The following STK26 variants were observed in gnomAD, a reference collection of about 807,000 sequenced individuals.
STK26 encodes serine/threonine-protein kinase 26.
Under a neutral mutation model 34.7 loss-of-function variants are expected in STK26, and 14 were observed. The observed-to-expected ratio is 0.40, with a 90% confidence interval of 0.27 to 0.63. The LOEUF (loss-of-function observed/expected upper bound fraction) is 0.63, where lower values mean the gene tolerates loss of function less well. Among genes scored for constraint, STK26 ranks in the 30% least tolerant of loss-of-function variants. STK26 has a pLI of 0.38. For missense variants in STK26, 226 were observed against 309.1 expected, an observed-to-expected ratio of 0.73 and a Z score of 2.02; for synonymous variants, 100 against 109.8, an observed-to-expected ratio of 0.91 and a Z score of 0.56.
intron 2 of STK26, among the ~76,000 whole-genome samples, chrX:132,026,376 C>T (rs1053457245): frequency 3.6e-5 from 4 of 111,819 alleles, no homozygotes; most frequent in South Asian, 3.7e-4. Flanking sequence ...TTTTTTGCCA[C>T]GTTACACCAA....
In STK26 at chrX:132,040,313, AGT is replaced by A. The variant is rs780290811; in HGVS notation, c.43-14317_43-14316del. 1.7e-3 allele frequency among the ~76,000 whole-genome samples: 191 copies of A among 112,521 alleles called. 1 individual carries two copies. Among genetic ancestry groups the A allele is most frequent in the African/African-American group, 6.1e-3 (188 of 31,013 alleles). On this transcript the variant is annotated intron_variant, in intron 2 of 11. Transcript: ENST00000394334. ...GTACTTTCACTGAGGTTGTGGATAT[AGT>A]ATGACAATAGAAAAGATTTTCACTT...
At position 132,071,054 on chromosome X, in the gene STK26, T is replaced by A. The variant is rs112272201; in HGVS notation, c.784-15T>A. On this transcript the variant is annotated splice_polypyrimidine_tract_variant and intron_variant, in intron 7 of 11. Coordinates refer to ENST00000394334, the MANE Select transcript of STK26 (RefSeq NM_016542.4). ...CAACAATTGTCATATGCAGCCTTGATCTTTTTATCCTTAGCGTCCTACAGC... is the reference window on the plus strand; with the variant it reads ...CAACAATTGTCATATGCAGCCTTGAACTTTTTATCCTTAGCGTCCTACAGC... 2.9e-5 allele frequency: 35 copies of A among 1,194,905 alleles called. No individual in the cohort carries two copies. In the African/African-American group the frequency reaches 3.4e-4, roughly 11 times the overall value.
chrX:132,025,004 C>A (rs760220453), intron 2 of STK26, among the ~76,000 whole-genome samples: 2 of 110,859 alleles, frequency 1.8e-5, no homozygotes, highest in East Asian at 5.7e-4. Flanking sequence ...TCAAGCCTTG[C>A]AAAATGCCTT....
chrX:132,054,557 T>G (rs779687326), intron 2 of STK26, 74 bp from the exon 3 acceptor site: 1 of 930,733 alleles, frequency 1.1e-6, no homozygotes, highest in Admixed American at 2.9e-5. Flanking sequence ...TTATGTGATT[T>G]ATTTTCCTTC....
intron 2 of STK26, among the ~76,000 whole-genome samples, 176 bp downstream of exon 2, chrX:132,023,835 A>G (rs1935039467): frequency 8.9e-6 from 1 of 112,126 alleles, no homozygotes; most frequent in Non-Finnish European, 1.9e-5. Flanking sequence ...TGTGTAGGCT[A>G]GGTAGTGCTC....
Position 132,054,638 on chromosome X carries a change from T to C in STK26, c.50T>C (p.Ile17Thr), listed in dbSNP as rs1179091753. 6.6e-6 allele frequency: 8 copies of C among 1,208,054 alleles called. No individual in the cohort carries two copies. Among genetic ancestry groups the C allele is most frequent in the Non-Finnish European group, 9.0e-6 (8 of 892,906 alleles). ...GTTCCCCACTCCCTTCAGAATAACA[T>C]AGCTGATCCAGAAGAACTGTTCACA... ...AVQVPGMQNN[I>T]ADPEELFTKL... The change falls in exon 3 of 12, where the codon ATA (isoleucine) becomes ACA (threonine). Residue 17 changes from isoleucine to threonine, a missense_variant. Physicochemically the swap from Ile to Thr is moderately conservative, Grantham distance 89 (BLOSUM62 -1). Transcript: ENST00000394334.
chrX:132,038,327 T>G (rs1222203495), intron 2 of STK26, among the ~76,000 whole-genome samples: 1 of 111,765 alleles, frequency 8.9e-6, no homozygotes, highest in Non-Finnish European at 1.9e-5. Flanking sequence ...GTCATTTGTT[T>G]TTTCTTGTTG....
chrX:132,034,161 C>G lies in STK26; in HGVS notation c.42+10502C>G, dbSNP rs181782351. On this transcript the variant is annotated intron_variant, in intron 2 of 11. Transcript: ENST00000394334. ...AAAATAAAAGAGAGTAGGAGGCAAGCAGGAGAAAAGGCCCAAGGGGACACA... is the reference window on the plus strand; with the variant it reads ...AAAATAAAAGAGAGTAGGAGGCAAGGAGGAGAAAAGGCCCAAGGGGACACA... 6.8e-5 allele frequency among the ~76,000 whole-genome samples: 7 copies of G among 102,444 alleles called. No individual in the cohort carries two copies. The Admixed American group carries it at 7.6e-4, about 11-fold the overall frequency. 89.0% of individuals were successfully genotyped at this position (102,444 alleles called of 115,157 possible). A position where few individuals can be genotyped will look rare whatever the true frequency, so the allele number is the denominator to read the frequency against.
intron 2 of STK26, among the ~76,000 whole-genome samples, chrX:132,042,090 C>T (rs1048515776): frequency 2.0e-4 from 22 of 111,044 alleles, no homozygotes; most frequent in Admixed American, 1.4e-3. Context: ...GGTGTAAAAA[C>T]GGGTGAATTT....
chrX:132,069,817 A>G lies in STK26; in HGVS notation c.783+154A>G, dbSNP rs749015695. Among the ~76,000 whole-genome samples, 372 of 110,680 alleles carry G rather than the reference A, an allele frequency of 3.4e-3. 1 individual carries two copies. The highest frequency in any genetic ancestry group is 0.012 in the African/African-American group (359 of 30,456). On this transcript the variant is annotated intron_variant, in intron 7 of 11. Coordinates refer to ENST00000394334, the MANE Select transcript of STK26 (RefSeq NM_016542.4). ...TTCGTCCTTCTGTATTGCTATTTCT[A>G]TTGAGTTCTTAACCAGATTCTTCAT...
intron 2 of STK26, among the ~76,000 whole-genome samples, chrX:132,040,258 TGC>T (rs1926214584): frequency 8.9e-6 from 1 of 112,659 alleles, no homozygotes; most frequent in East Asian, 2.8e-4. Flanking sequence ...GACTGAGAAT[TGC>T]TGATGTAAAG....
chrX:132,057,502 C>T (rs1049431990), intron 3 of STK26, among the ~76,000 whole-genome samples: 1 of 110,980 alleles, frequency 9.0e-6, no homozygotes, highest in Non-Finnish European at 1.9e-5. Context: ...GTTAAATAGG[C>T]CCTTGAATCC....
At chrX:132,065,738 G>T (rs1424008551) in intron 4 of STK26, among the ~76,000 whole-genome samples, 2 of 111,889 alleles carry the variant, frequency 1.8e-5, no homozygotes, top group African/African-American at 6.5e-5. Flanking sequence ...CAAATATTGG[G>T]CGGCCCTTTA....
At position 132,062,779 on chromosome X, in the gene STK26, A is replaced by C. The variant is rs142022848; in HGVS notation, c.274-654A>C. On this transcript the variant is annotated intron_variant, in intron 3 of 11. Transcript: ENST00000394334. ...ATTTAAAGCTTTGTTTTTTATAAAA[A>C]TTACTAATAGTTCAACAATAACAAA... Among the ~76,000 whole-genome samples the C allele has an allele frequency of 2.2e-4, 25 of 112,168 alleles. No homozygotes were observed. In the East Asian group the frequency reaches 7.0e-3, roughly 31 times the overall value.
chrX:132,033,002 C>T (rs1925898430), intron 2 of STK26, among the ~76,000 whole-genome samples: 1 of 111,244 alleles, frequency 9.0e-6, no homozygotes, highest in Non-Finnish European at 1.9e-5. Context: ...TCTTCCCACC[C>T]CCAGCTTTCC....
intron 2 of STK26, among the ~76,000 whole-genome samples, chrX:132,042,400 A>T (rs1926298878): frequency 9.0e-6 from 1 of 111,041 alleles, no homozygotes; most frequent in Non-Finnish European, 1.9e-5. Flanking sequence ...CTGTATTGTT[A>T]ATGTAAGCTA....
chrX:132,059,953 A>T (rs767561927), intron 3 of STK26, among the ~76,000 whole-genome samples: 1 of 111,954 alleles, frequency 8.9e-6, no homozygotes, highest in South Asian at 3.7e-4. Context: ...GAGTTCTCTT[A>T]TAAAACTTGA....
In STK26 at chrX:132,060,610, G is replaced by GT. The variant is rs1268214367; in HGVS notation, c.274-2816dup. 7.7e-5 allele frequency among the ~76,000 whole-genome samples: 8 copies of GT among 104,446 alleles called. No individual in the cohort carries two copies. In the South Asian group the frequency reaches 3.0e-3, roughly 39 times the overall value. The allele number at this position is 104,446 out of a possible 115,157, so 90.7% of individuals were successfully genotyped here. ...TTTTGGGTGGTTTTTTTTTTGTTTT[G>GT]TTTTTTTGTTTTGCTTTTTTTTTGT... is the stretch of plus-strand genomic sequence containing the variant. On this transcript the variant is annotated intron_variant, in intron 3 of 11. Coordinates refer to ENST00000394334, the MANE Select transcript of STK26 (RefSeq NM_016542.4).
chrX:132,027,422 T>G (rs1001319683), intron 2 of STK26, among the ~76,000 whole-genome samples: 1 of 112,148 alleles, frequency 8.9e-6, no homozygotes, highest in Non-Finnish European at 1.9e-5. Flanking sequence ...GTAGGTTAGG[T>G]GTACTGTATT....
Sources: gnomAD v4.1 joint callset for allele counts (sites outside exome capture counted in the v4.1 genomes callset) on GRCh38, gnomAD v4.1.1 for gene constraint, MANE v1.5 for transcripts, NCBI Gene and HGNC (gene_info 2026-07-23, HGNC 2026-07-21) for gene names.